Variants in PRDM6 observed in about 807,000 individuals in gnomAD.
The protein encoded by PRDM6 is PR/SET domain 6, also known as putative histone-lysine N-methyltransferase PRDM6.
PRDM6 carries 25 observed loss-of-function variants against 60.8 expected under a neutral mutation model. The ratio of observed to expected loss-of-function variants is 0.41; its 90% CI spans 0.30 to 0.57. The LOEUF is 0.57. Among genes scored for constraint, PRDM6 ranks in the 20% least tolerant of loss-of-function variants. The pLI is 0.27. For missense variants in PRDM6, 839 were observed against 821.3 expected (o/e 1.02, Z -0.26); for synonymous variants, 407 against 357.4 (o/e 1.14, Z -1.57).
intron 3 of PRDM6, among the ~76,000 whole-genome samples, chr5:123,103,106 A>C (rs1764137814): frequency 6.6e-6 from 1 of 152,190 alleles, no homozygotes; most frequent in African/African-American, 2.4e-5. Context: ...AGTTCTTCAA[A>C]ATACAGCAAT....
chr5:123,169,616 C>G (rs768753963), intron 5 of PRDM6, among the ~76,000 whole-genome samples: 1 of 152,182 alleles, frequency 6.6e-6, no homozygotes, highest in African/African-American at 2.4e-5. Context: ...TTACTAAATG[C>G]TGTCTCTATG....
chr5:123,091,102 C>T (rs1295722937), intron 2 of PRDM6, among the ~76,000 whole-genome samples: 1 of 152,134 alleles, frequency 6.6e-6, no homozygotes, highest in Non-Finnish European at 1.5e-5. Context: ...GGGTCATTTT[C>T]GGGCCGCGGG....
In PRDM6 at chr5:123,193,478, T is replaced by C. The variant is rs1317917205; in HGVS notation, c.*6277T>C. 1 of 152,210 alleles carries C rather than the reference T, an allele frequency of 6.6e-6. No individual in the cohort carries two copies. The highest frequency in any genetic ancestry group is 1.9e-4 in the East Asian group (1 of 5,198). The allele number at this position is 152,210 out of a possible 1,614,324, so 9.4% of individuals were successfully genotyped here. A position where few individuals can be genotyped will look rare whatever the true frequency, so the allele number is the denominator to read the frequency against. On this transcript the variant is annotated 3_prime_UTR_variant, in exon 8 of 8. Coordinates refer to ENST00000407847, the MANE Select transcript of PRDM6 (RefSeq NM_001136239.4). ...TTAACAAAATCAGCACTTGTAGACT[T>C]ACTTTCTCTGAACAATCTAGTACAC...
intron 3 of PRDM6, among the ~76,000 whole-genome samples, chr5:123,121,725 C>G (rs1017110475): frequency 1.3e-5 from 2 of 152,166 alleles, no homozygotes; most frequent in African/African-American, 4.8e-5. Flanking sequence ...TTCCATGTCT[C>G]TTCCTTCCCC....
chr5:123,130,127 T>TTCCCTCCCCTTCCCC (rs1764791912), intron 3 of PRDM6, among the ~76,000 whole-genome samples: 1 of 19,236 alleles, frequency 5.2e-5, no homozygotes, highest in Non-Finnish European at 8.1e-5. Flanking sequence ...TCCCCTTCCC[T>TTCCCTCCCCTTCCCC]CCCCTCTCCT....
At chr5:123,174,714 C>T (rs1259799928) in intron 6 of PRDM6, among the ~76,000 whole-genome samples, 1 of 152,100 alleles carries the variant, frequency 6.6e-6, no homozygotes, top group African/African-American at 2.4e-5. Flanking sequence ...GGGATCCCAG[C>T]CTCACCATTT....
intron 3 of PRDM6, among the ~76,000 whole-genome samples, chr5:123,134,459 G>A (rs1042318526): frequency 2.0e-5 from 3 of 152,094 alleles, no homozygotes; most frequent in African/African-American, 7.2e-5. Flanking sequence ...AATTGGTACA[G>A]TATGTTAACC....
At chr5:123,124,818 G>A (rs1350592854) in intron 3 of PRDM6, among the ~76,000 whole-genome samples, 4 of 151,814 alleles carry the variant, frequency 2.6e-5, no homozygotes, top group Non-Finnish European at 5.9e-5. Flanking sequence ...ACTGATCTAC[G>A]ACCTCTGAAA....
At chr5:123,175,821 C>G (rs1482844294) in intron 6 of PRDM6, among the ~76,000 whole-genome samples, 1 of 152,170 alleles carries the variant, frequency 6.6e-6, no homozygotes, top group Admixed American at 6.5e-5. Context: ...CATCCTTTTC[C>G]CATGTATACA....
At chr5:123,182,137 C>CTT (rs943946221) in intron 7 of PRDM6, among the ~76,000 whole-genome samples, 4 of 152,206 alleles carry the variant, frequency 2.6e-5, no homozygotes, top group African/African-American at 9.6e-5. Context: ...AAGAGGGCAT[C>CTT]TTTTTCTAAT....
intron 5 of PRDM6, among the ~76,000 whole-genome samples, chr5:123,168,736 A>G (rs1454348057): frequency 1.3e-5 from 2 of 152,260 alleles, no homozygotes; most frequent in African/African-American, 4.8e-5. Flanking sequence ...CTCTTGCTTT[A>G]CTTTTCTTTC....
chr5:123,187,411 G>C lies in PRDM6; in HGVS notation c.*210G>C, dbSNP rs1299588783. 1 of 389,276 alleles carries C rather than the reference G, an allele frequency of 2.6e-6. No homozygotes were observed. The highest frequency in any genetic ancestry group is 4.8e-6 in the Non-Finnish European group (1 of 208,822). 24.1% of individuals were successfully genotyped at this position (389,276 alleles called of 1,614,324 possible). Reference sequence around the variant, plus strand: ...TTATTTATTTATGACTTAGGGATGAGACTTATTTCAGTGGACAACTAACCT... The same window carrying C: ...TTATTTATTTATGACTTAGGGATGACACTTATTTCAGTGGACAACTAACCT... On this transcript the variant is annotated 3_prime_UTR_variant, in exon 8 of 8. Transcript: ENST00000407847.
intron 3 of PRDM6, among the ~76,000 whole-genome samples, chr5:123,130,432 A>G (rs993114745): frequency 1.3e-5 from 2 of 150,120 alleles, no homozygotes; most frequent in African/African-American, 2.5e-5. Flanking sequence ...ATCTTAAAGA[A>G]TTAAGAAATT....
chr5:123,150,787 G>A (rs750707651), intron 3 of PRDM6, among the ~76,000 whole-genome samples: 4 of 152,276 alleles, frequency 2.6e-5, no homozygotes, highest in African/African-American at 4.8e-5. Context: ...TGTAAACAGC[G>A]CTGGGTTCAC....
At chr5:123,181,257 G>C (rs564123547) in intron 7 of PRDM6, among the ~76,000 whole-genome samples, 1 of 152,290 alleles carries the variant, frequency 6.6e-6, no homozygotes, top group African/African-American at 2.4e-5. Context: ...ATAGTCTAAG[G>C]GGAAGCCCAA....
intron 5 of PRDM6, among the ~76,000 whole-genome samples, chr5:123,167,004 G>T (rs1765767524): frequency 6.6e-6 from 1 of 152,038 alleles, no homozygotes; most frequent in Non-Finnish European, 1.5e-5. Context: ...TTCTTGTGTT[G>T]GGATGAAATT....
Position 123,192,131 on chromosome 5 carries a change from G to T in PRDM6, c.*4930G>T, listed in dbSNP as rs530702565. ...TTTAATGGAAAAATAAGGACATTCT[G>T]CGCTTATTCCCACAGAGGTTGATGG... On this transcript the variant is annotated 3_prime_UTR_variant, in exon 8 of 8. Coordinates refer to ENST00000407847, the MANE Select transcript of PRDM6 (RefSeq NM_001136239.4). 6.6e-6 allele frequency: 1 copy of T among 152,172 alleles called. No homozygotes were observed. 9.4% of individuals were successfully genotyped at this position (152,172 alleles called of 1,614,324 possible).
At chr5:123,117,270 G>C (rs1764471718) in intron 3 of PRDM6, among the ~76,000 whole-genome samples, 1 of 152,146 alleles carries the variant, frequency 6.6e-6, no homozygotes, top group African/African-American at 2.4e-5. Flanking sequence ...AGGGGGTAGG[G>C]GTGGGGCCTG....
intron 3 of PRDM6, among the ~76,000 whole-genome samples, chr5:123,124,145 A>G (rs1365899449): frequency 6.6e-6 from 1 of 152,102 alleles, no homozygotes; most frequent in Admixed American, 6.5e-5. Flanking sequence ...GGGCATCCTT[A>G]TTTTGTGCTG....
Sources: allele counts gnomAD v4.1 joint callset (sites outside exome capture counted in the v4.1 genomes callset), GRCh38; gene constraint gnomAD v4.1.1; transcripts MANE v1.5; gene names NCBI Gene and HGNC (gene_info 2026-07-23, HGNC 2026-07-21).